Variants in TRHDE observed in about 807,000 individuals in gnomAD.
The protein encoded by TRHDE is thyrotropin-releasing hormone-degrading ectoenzyme.
Under a neutral mutation model 125.7 loss-of-function variants are expected in TRHDE, and 72 were observed. The ratio of observed to expected loss-of-function variants is 0.57; its 90% CI spans 0.47 to 0.70. The LOEUF (loss-of-function observed/expected upper bound fraction) is 0.70, where lower values mean the gene tolerates loss of function less well. TRHDE is among the 30% of genes least tolerant of loss of function. The probability of loss-of-function intolerance (pLI) is 0.00; values close to 1 mark genes in which losing one functional copy is unlikely to be tolerated. For missense variants in TRHDE, 1,110 were observed against 1,327.1 expected (o/e 0.84, Z 2.54); for synonymous variants, 509 against 509.1 (o/e 1.00, Z 0.00).
At chr12:72,481,214 CT>C (rs938609782) in intron 5 of TRHDE, among the ~76,000 whole-genome samples, 1 of 151,682 alleles carries the variant, frequency 6.6e-6, no homozygotes, top group African/African-American at 2.4e-5. Flanking sequence ...GTCCATAACA[CT>C]TTATGGGACT....
intron 2 of TRHDE, among the ~76,000 whole-genome samples, chr12:72,175,190 T>G (rs1181840724): frequency 6.6e-6 from 1 of 152,204 alleles, no homozygotes; most frequent in East Asian, 1.9e-4. Context: ...ACCATTCAAT[T>G]CTTTGCTTCT....
At chr12:72,415,002 GCCTATGCAGGCACTT>G in intron 3 of TRHDE, among the ~76,000 whole-genome samples, 1 of 152,070 alleles carries the variant, frequency 6.6e-6, no homozygotes, top group South Asian at 2.1e-4. Context: ...CTGACCTGAG[GCCTATGCAGGCACTT>G]CTGTCTTTGA....
At chr12:72,474,807 A>G (rs889501166) in intron 5 of TRHDE, among the ~76,000 whole-genome samples, 2 of 151,966 alleles carry the variant, frequency 1.3e-5, no homozygotes, top group African/African-American at 2.4e-5. Flanking sequence ...ATATGAAAGC[A>G]TCTGTAAGTC....
At chr12:72,595,021 C>CCAAA (rs1191046640) in intron 12 of TRHDE, among the ~76,000 whole-genome samples, 1 of 147,440 alleles carries the variant, frequency 6.8e-6, no homozygotes, top group Non-Finnish European at 1.5e-5. Context: ...GGACAAAAAA[C>CCAAA]CAAACACCGC....
intron 2 of TRHDE, among the ~76,000 whole-genome samples, chr12:72,289,331 G>T (rs1880004275): frequency 6.6e-6 from 1 of 152,054 alleles, no homozygotes; most frequent in Non-Finnish European, 1.5e-5. Flanking sequence ...ATTATTTGCT[G>T]ATCAAGCTAC....
intron 2 of TRHDE, chr12:72,255,910 A>C (rs12425628): frequency 0.22 from 33,045 of 151,854 alleles, 4,061 homozygotes; most frequent in Middle Eastern, 0.35. Context: ...CTTACCTACA[A>C]CCCATGTATA....
intron 2 of TRHDE, among the ~76,000 whole-genome samples, chr12:72,244,757 G>A (rs1222259528): frequency 6.6e-6 from 1 of 151,824 alleles, no homozygotes; most frequent in East Asian, 1.9e-4. Flanking sequence ...TTGGTGATGG[G>A]GAAATGAAAA....
chr12:72,605,653 A>ATATTC (rs1437292719), intron 12 of TRHDE, among the ~76,000 whole-genome samples: 1 of 152,188 alleles, frequency 6.6e-6, no homozygotes, highest in African/African-American at 2.4e-5. Context: ...ATACAGCATA[A>ATATTC]TATTCTGAGA....
At chr12:72,170,813 A>T (rs2139335057) in intron 2 of TRHDE, among the ~76,000 whole-genome samples, 1 of 152,312 alleles carries the variant, frequency 6.6e-6, no homozygotes, top group East Asian at 1.9e-4. Context: ...GCCCATCTCC[A>T]CAATTTCTCT....
Position 72,203,013 on chromosome 12 carries a change from A to G in TRHDE, n.279+97261A>G, listed in dbSNP as rs966898052. Reference sequence around the variant, plus strand: ...TTAAAATTTTATTTCTGTAATCTCAAGTTTTCATAGTTCCAATCCTACTGT... The same window carrying G: ...TTAAAATTTTATTTCTGTAATCTCAGGTTTTCATAGTTCCAATCCTACTGT... On this transcript the variant is annotated intron_variant and non_coding_transcript_variant, in intron 2 of 4. Coordinates refer to the TRHDE transcript ENST00000548156. Among the ~76,000 whole-genome samples the G allele has an allele frequency of 2.0e-5, 3 of 152,012 alleles. No homozygotes were observed. In the South Asian group the frequency reaches 6.2e-4, roughly 32 times the overall value.
chr12:72,430,349 G>GTA lies in TRHDE; in HGVS notation c.1316-39406_1316-39405dup, dbSNP rs578000199. On this transcript the variant is annotated intron_variant, in intron 3 of 18. Coordinates refer to ENST00000261180, the MANE Select transcript of TRHDE (RefSeq NM_013381.3). ...TACATATATACATGTATATATACAT[G>GTA]TATACATATATACATATATACGTAT... is the stretch of plus-strand genomic sequence containing the variant. Among the ~76,000 whole-genome samples, 189 of 136,656 alleles carry GTA rather than the reference G, an allele frequency of 1.4e-3. 1 individual carries two copies. The highest frequency in any genetic ancestry group is 4.1e-3 in the African/African-American group (144 of 35,232). The allele number at this position is 136,656 out of a possible 152,430, so 89.7% of individuals were successfully genotyped here.
intron 1 of TRHDE, among the ~76,000 whole-genome samples, chr12:72,279,905 C>T (rs1374059120): frequency 1.3e-5 from 2 of 152,090 alleles, no homozygotes; most frequent in Non-Finnish European, 2.9e-5. Flanking sequence ...TTCCTCATGA[C>T]TACACAACTA....
rs138443148 is a variant in TRHDE, at chr12:72,376,356, A to G, written c.1189-1639A>G. ...ATCCTTTTTTAAAGGTCCGCTTCCT[A>G]TGAACTTTACTTCAGATATTGCATG... On this transcript the variant is annotated intron_variant, in intron 2 of 18. Coordinates refer to ENST00000261180, the MANE Select transcript of TRHDE (RefSeq NM_013381.3). Among the ~76,000 whole-genome samples the G allele has an allele frequency of 8.2e-3, 1,248 of 152,200 alleles. 8 individuals are homozygous for G. Among genetic ancestry groups the G allele is most frequent in the Middle Eastern group, 0.02 (6 of 294 alleles).
intron 3 of TRHDE, among the ~76,000 whole-genome samples, chr12:72,420,505 A>T (rs1873908633): frequency 6.6e-6 from 1 of 152,056 alleles, no homozygotes; most frequent in South Asian, 2.1e-4. Context: ...GATATATATG[A>T]TATTATCCAT....
At chr12:72,154,210 G>A (rs1876446186) in intron 2 of TRHDE, among the ~76,000 whole-genome samples, 1 of 152,024 alleles carries the variant, frequency 6.6e-6, no homozygotes, top group Non-Finnish European at 1.5e-5. Flanking sequence ...CAGAGACTAG[G>A]ATTGCAACCC....
intron 1 of TRHDE, among the ~76,000 whole-genome samples, chr12:72,093,974 A>C (rs897188430): frequency 2.0e-5 from 3 of 152,146 alleles, no homozygotes; most frequent in Admixed American, 6.5e-5. Flanking sequence ...CTGTTTTGGC[A>C]GGTAAAGACC....
chr12:72,443,192 CTGTGTGTGTGTGTG>C (rs58277850), intron 3 of TRHDE, among the ~76,000 whole-genome samples: 236 of 144,528 alleles, frequency 1.6e-3, no homozygotes, highest in Non-Finnish European at 2.7e-3. Context: ...TACTTCTTTC[CTGTGTGTGTGTGTG>C]TGTGTGTGTG....
At chr12:72,551,209 C>T (rs1439535237) in intron 7 of TRHDE, among the ~76,000 whole-genome samples, 1 of 152,056 alleles carries the variant, frequency 6.6e-6, no homozygotes, top group African/African-American at 2.4e-5. Context: ...ACTTAAGTTA[C>T]ATGTTTTGAA....
At chr12:72,454,877 T>C (rs899750334) in intron 3 of TRHDE, among the ~76,000 whole-genome samples, 2 of 152,172 alleles carry the variant, frequency 1.3e-5, no homozygotes, top group Admixed American at 1.3e-4. Context: ...CACAGATTGT[T>C]CATGGTCCTG....
Sources: gnomAD v4.1 joint callset for allele counts (sites outside exome capture counted in the v4.1 genomes callset) on GRCh38, gnomAD v4.1.1 for gene constraint, MANE v1.5 for transcripts, NCBI Gene and HGNC (gene_info 2026-07-23, HGNC 2026-07-21) for gene names.